Variants in JHY observed in about 807,000 individuals in gnomAD.
JHY encodes the protein junctional cadherin complex regulator, also known as jhy protein homolog.
A neutral mutation model predicts 78.0 loss-of-function variants in JHY; 69 were observed. The ratio of observed to expected loss-of-function variants is 0.88; its 90% CI spans 0.73 to 1.08. The LOEUF (loss-of-function observed/expected upper bound fraction) is 1.08. JHY is among the 50% of genes least tolerant of loss of function. JHY has a pLI of 0.00. For missense variants in JHY, 944 were observed against 927.8 expected (o/e 1.02, Z -0.23); for synonymous variants, 368 against 342.6 (o/e 1.07, Z -0.82).
intron 2 of JHY, among the ~76,000 whole-genome samples, chr11:122,896,342 CAAAAAAAAAAAAA>C (rs11370911): frequency 6.9e-4 from 51 of 73,406 alleles, no homozygotes; most frequent in Middle Eastern, 9.8e-3. Context: ...GACTCTGTCT[CAAAAAAAAAAAAA>C]AAAAAAAAAA....
At chr11:122,934,357 AAAAT>A in intron 4 of JHY, 59 bp from the exon 5 acceptor site, 1 of 787,610 alleles carries the variant, frequency 1.3e-6, no homozygotes, top group Non-Finnish European at 1.8e-6. Flanking sequence ...AATAAATAAT[AAAAT>A]AAAATTTGTG....
At chr11:122,906,713 TC>T (rs1288760406) in intron 3 of JHY, among the ~76,000 whole-genome samples, 2 of 152,218 alleles carry the variant, frequency 1.3e-5, no homozygotes. Flanking sequence ...GATTTATTAA[TC>T]GCTATTTTTG....
At chr11:122,948,607 A>G (rs1012519524) in intron 6 of JHY, among the ~76,000 whole-genome samples, 3 of 151,858 alleles carry the variant, frequency 2.0e-5, no homozygotes, top group Non-Finnish European at 2.9e-5. Flanking sequence ...TTGCAGTATA[A>G]TGTTGCAAGC....
intron 1 of JHY, among the ~76,000 whole-genome samples, chr11:122,885,102 C>A (rs1475923008): frequency 1.3e-5 from 2 of 151,424 alleles, no homozygotes; most frequent in African/African-American, 2.4e-5. Context: ...GATTGTTGAA[C>A]AGTTTTAATC....
At position 122,916,696 on chromosome 11, in the gene JHY, G is replaced by A. The variant is rs561479865; in HGVS notation, c.865-8201G>A. On this transcript the variant is annotated intron_variant, in intron 3 of 8. Transcript: ENST00000227349. ...CCTCTGTCAACCAGGCTAGAGCGCCGTGGCATGATCTTGGCTCACTGCAGC... is the reference window on the plus strand; with the variant it reads ...CCTCTGTCAACCAGGCTAGAGCGCCATGGCATGATCTTGGCTCACTGCAGC... Among the ~76,000 whole-genome samples, 6 of 152,286 alleles carry A rather than the reference G, an allele frequency of 3.9e-5. No homozygotes were observed. In the South Asian group the frequency reaches 8.3e-4, roughly 21 times the overall value.
chr11:122,907,774 G>A (rs762585848), intron 3 of JHY, among the ~76,000 whole-genome samples: 5 of 150,568 alleles, frequency 3.3e-5, no homozygotes, highest in African/African-American at 1.2e-4. Flanking sequence ...AACCCAGGGC[G>A]GTGAGCCGAG....
rs1169825115 is a variant in JHY, at chr11:122,961,792, T to A, written c.*2347T>A. On this transcript the variant is annotated 3_prime_UTR_variant, in exon 9 of 9. Transcript: ENST00000227349. ...GACAATTGAATGAAACACAAATAAA[T>A]AAAGAATAAAGTTGAAAAAAAATGA... is the stretch of plus-strand genomic sequence containing the variant. Among the ~76,000 whole-genome samples the A allele has an allele frequency of 6.6e-6, 1 of 152,062 alleles. No individual in the cohort carries two copies. Among genetic ancestry groups the A allele is most frequent in the East Asian group, 1.9e-4 (1 of 5,194 alleles).
intron 3 of JHY, among the ~76,000 whole-genome samples, chr11:122,916,167 ATAGC>A (rs1863230322): frequency 6.6e-6 from 1 of 152,184 alleles, no homozygotes; most frequent in Non-Finnish European, 1.5e-5. Context: ...ATATTTCAAA[ATAGC>A]TAGCAGAGAG....
intron 3 of JHY, among the ~76,000 whole-genome samples, chr11:122,909,670 T>C (rs1178676789): frequency 1.3e-5 from 2 of 152,044 alleles, no homozygotes; most frequent in East Asian, 3.9e-4. Flanking sequence ...TCCCACCTAC[T>C]TGGGAGGCCA....
chr11:122,905,030 TCAA>T, intron 3 of JHY: 1 of 716,896 alleles, frequency 1.4e-6, no homozygotes, highest in African/African-American at 1.8e-5. Flanking sequence ...GTTTTTTTTT[TCAA>T]TCTTCAGATG....
At chr11:122,901,746 G>A (rs1195571167) in intron 2 of JHY, among the ~76,000 whole-genome samples, 1 of 151,946 alleles carries the variant, frequency 6.6e-6, no homozygotes, top group Non-Finnish European at 1.5e-5. Context: ...GGTGGCAGGT[G>A]CCTGTAGTCC....
At chr11:122,925,288 G>A (rs1301087479) in intron 4 of JHY, among the ~76,000 whole-genome samples, 1 of 152,152 alleles carries the variant, frequency 6.6e-6, no homozygotes, top group Non-Finnish European at 1.5e-5. Flanking sequence ...GGAAGGCATG[G>A]AAAGACATGC....
intron 2 of JHY, among the ~76,000 whole-genome samples, chr11:122,886,466 C>A (rs1862499039): frequency 6.6e-6 from 1 of 152,156 alleles, no homozygotes; most frequent in Non-Finnish European, 1.5e-5. Flanking sequence ...CGCACTAGGA[C>A]CTCACCTGGG....
chr11:122,956,669 TA>T (rs1864198810), intron 7 of JHY, 93 bp downstream of exon 7: 1 of 1,004,094 alleles, frequency 1.0e-6, no homozygotes, highest in South Asian at 1.5e-5. Flanking sequence ...AATTAAACCC[TA>T]ATTCAAATGT....
rs1284272046 is a variant in JHY, at chr11:122,885,966, A to G, written c.117A>G (p.Ser39=). ...PLKKEDLHRI[S]KDSLESDSES... Reference sequence around the variant, plus strand: ...AGAAAGAAGACTTACATCGGATTTCAAAAGACTCCTTGGAATCTGATTCAG... The same window carrying G: ...AGAAAGAAGACTTACATCGGATTTCGAAAGACTCCTTGGAATCTGATTCAG... The change falls in exon 2 of 9, where the codon TCA becomes TCG. Residue 39 remains serine (S), a synonymous_variant. Coordinates refer to ENST00000227349, the MANE Select transcript of JHY (RefSeq NM_024806.4). The G allele has an allele frequency of 6.2e-7, 1 of 1,614,226 alleles. No individual in the cohort carries two copies. Among genetic ancestry groups the G allele is most frequent in the East Asian group, 2.2e-5 (1 of 44,888 alleles).
At position 122,959,372 on chromosome 11, in the gene JHY, T is replaced by C; in HGVS notation, c.2264T>C (p.Leu755Pro). 6.2e-7 allele frequency: 1 copy of C among 1,614,132 alleles called. No individual in the cohort carries two copies. The highest frequency in any genetic ancestry group is 8.5e-7 in the Non-Finnish European group (1 of 1,180,026). ...GAAAGTTTACCTGAAATCTCACTGC[T>C]GGAAATACTGCAGAACAGACACGAA... ...KEESLPEISL[L>P]EILQNRHERE... The change falls in exon 9 of 9, where the codon CTG becomes CCG. Residue 755 changes from leucine to proline, a missense_variant. Physicochemically the swap from Leu to Pro is moderately conservative, Grantham distance 98. Transcript: ENST00000227349.
chr11:122,900,656 C>T (rs971705685), intron 2 of JHY, among the ~76,000 whole-genome samples: 4 of 151,520 alleles, frequency 2.6e-5, no homozygotes, highest in Non-Finnish European at 1.5e-5. Flanking sequence ...GTATGCTTAA[C>T]CTTTTATTCA....
chr11:122,905,456 G>C, intron 3 of JHY: 1 of 1,293,754 alleles, frequency 7.7e-7, no homozygotes, highest in Non-Finnish European at 9.8e-7. Context: ...ATCCCAACTG[G>C]TATTTTTTTT....
chr11:122,915,535 CAG>C (rs1863216425), intron 3 of JHY, among the ~76,000 whole-genome samples: 1 of 152,098 alleles, frequency 6.6e-6, no homozygotes, highest in Non-Finnish European at 1.5e-5. Flanking sequence ...TTTTTTGAGA[CAG>C]AGTCTCGCCC....
Sources: allele counts gnomAD v4.1 joint callset (sites outside exome capture counted in the v4.1 genomes callset), GRCh38; gene constraint gnomAD v4.1.1; transcripts MANE v1.5; gene names NCBI Gene and HGNC (gene_info 2026-07-23, HGNC 2026-07-21).